The following DAB1 variants were observed in gnomAD, a reference collection of about 807,000 sequenced individuals.
DAB1 encodes the protein disabled homolog 1.
Under a neutral mutation model 64.6 loss-of-function variants are expected in DAB1, and 15 were observed. The observed-to-expected ratio is 0.23, with a 90% confidence interval of 0.16 to 0.36. The LOEUF (loss-of-function observed/expected upper bound fraction) is 0.36. DAB1 is among the 10% of genes least tolerant of loss of function. The probability of loss-of-function intolerance (pLI) is 1.00; values close to 1 mark genes in which losing one functional copy is unlikely to be tolerated. For missense variants in DAB1, 596 were observed against 706.7 expected (o/e 0.84, Z 1.78); for synonymous variants, 235 against 251.9 (o/e 0.93, Z 0.64).
At chr1:57,880,765 CTCTT>C (rs1358834583) in intron 1 of DAB1, 30 of 152,270 alleles carry the variant, frequency 2.0e-4, no homozygotes, top group African/African-American at 7.2e-4. Context: ...CACCATATAA[CTCTT>C]TCAGATATTT....
chr1:57,367,344 A>G (rs1347000657), intron 1 of DAB1, among the ~76,000 whole-genome samples: 1 of 152,108 alleles, frequency 6.6e-6, no homozygotes, highest in Non-Finnish European at 1.5e-5. Flanking sequence ...TCTGAAAGAA[A>G]GTTTCTAATC....
chr1:58,527,025 A>T (rs1225198490), intron 2 of DAB1, among the ~76,000 whole-genome samples: 2 of 152,158 alleles, frequency 1.3e-5, no homozygotes, highest in African/African-American at 4.8e-5. Flanking sequence ...CTATAATCTT[A>T]TGGATTCTGT....
At chr1:57,214,302 T>C (rs998992388) in intron 2 of DAB1, among the ~76,000 whole-genome samples, 33 of 152,160 alleles carry the variant, frequency 2.2e-4, no homozygotes, top group African/African-American at 8.0e-4. Flanking sequence ...AATCACCTCC[T>C]AAAGGCCCAC....
intron 9 of DAB1, among the ~76,000 whole-genome samples, chr1:57,052,227 G>A (rs979494563): frequency 1.3e-5 from 2 of 152,122 alleles, no homozygotes; most frequent in African/African-American, 4.8e-5. Flanking sequence ...TTTTTCTACA[G>A]CAAAATCAAC....
In DAB1 at chr1:57,435,948, G is replaced by A. The variant is rs537821704; in HGVS notation, n.626-144782C>T. Among the ~76,000 whole-genome samples, 11 of 126,164 alleles carry A rather than the reference G, an allele frequency of 8.7e-5. No homozygotes were observed. The East Asian group carries it at 2.2e-3, about 26-fold the overall frequency. 82.8% of individuals were successfully genotyped at this position (126,164 alleles called of 152,430 possible). A position where few individuals can be genotyped will look rare whatever the true frequency, so the allele number is the denominator to read the frequency against. On this transcript the variant is annotated intron_variant and non_coding_transcript_variant, in intron 7 of 20. Coordinates refer to the DAB1 transcript ENST00000485760. ...TTTTTTTTTTTTGAGATGGAGTCTCGCTCTGTGGCCCAGGCTGGAGTGCAG... is the reference window on the plus strand; with the variant it reads ...TTTTTTTTTTTTGAGATGGAGTCTCACTCTGTGGCCCAGGCTGGAGTGCAG...
intron 2 of DAB1, among the ~76,000 whole-genome samples, chr1:57,197,977 A>T (rs1036101451): frequency 6.6e-6 from 1 of 152,208 alleles, no homozygotes; most frequent in African/African-American, 2.4e-5. Flanking sequence ...TTTGCATATT[A>T]TCTCCCTAAA....
intron 7 of DAB1, among the ~76,000 whole-genome samples, chr1:57,566,453 C>T (rs558108280): frequency 3.5e-4 from 53 of 152,100 alleles, no homozygotes; most frequent in Non-Finnish European, 4.9e-4. Flanking sequence ...GATAGAGACA[C>T]AAAAAACCCT....
chr1:57,821,435 C>T (rs1652116553), downstream of DAB1, among the ~76,000 whole-genome samples: 1 of 152,194 alleles, frequency 6.6e-6, no homozygotes, highest in African/African-American at 2.4e-5. Flanking sequence ...TCTACACTGT[C>T]AGTTGTCCAT....
At chr1:57,199,109 C>T (rs994525450) in intron 2 of DAB1, among the ~76,000 whole-genome samples, 3 of 152,130 alleles carry the variant, frequency 2.0e-5, no homozygotes, top group Non-Finnish European at 2.9e-5. Flanking sequence ...GGAAAAGACT[C>T]ACGTCACAGC....
chr1:57,641,192 G>A (rs1226697270), intron 7 of DAB1, among the ~76,000 whole-genome samples: 1 of 152,000 alleles, frequency 6.6e-6, no homozygotes, highest in East Asian at 1.9e-4. Flanking sequence ...GTGAGTTGGG[G>A]TTAGCTCATT....
intron 5 of DAB1, among the ~76,000 whole-genome samples, chr1:58,126,877 G>T (rs1294310144): frequency 1.4e-5 from 2 of 146,276 alleles, no homozygotes; most frequent in African/African-American, 2.5e-5. Context: ...ATTTGGGTTG[G>T]TTCCAAGTCT....
chr1:57,741,711 C>G (rs1648004354), intron 6 of DAB1, among the ~76,000 whole-genome samples: 1 of 152,226 alleles, frequency 6.6e-6, no homozygotes, highest in Admixed American at 6.5e-5. Context: ...GAAGACAGAG[C>G]TCTCAGAATG....
intron 7 of DAB1, among the ~76,000 whole-genome samples, chr1:57,616,629 G>A (rs1393700305): frequency 6.6e-6 from 1 of 152,152 alleles, no homozygotes; most frequent in Non-Finnish European, 1.5e-5. Context: ...GTTTCCTACA[G>A]ATCACCTGCT....
intron 2 of DAB1, among the ~76,000 whole-genome samples, chr1:57,272,977 C>A (rs1215225380): frequency 6.6e-6 from 1 of 152,128 alleles, no homozygotes; most frequent in Non-Finnish European, 1.5e-5. Flanking sequence ...CTTTCTGTTC[C>A]CCCCCATTTC....
At chr1:57,333,499 A>T (rs1266208464) in intron 1 of DAB1, among the ~76,000 whole-genome samples, 15 of 152,234 alleles carry the variant, frequency 9.9e-5, no homozygotes. Context: ...GTTCCTTCCT[A>T]TTCTTATTTC....
intron 3 of DAB1, among the ~76,000 whole-genome samples, chr1:58,441,448 C>G (rs1645007157): frequency 6.6e-6 from 1 of 152,182 alleles, no homozygotes; most frequent in South Asian, 2.1e-4. Context: ...TATTCTACCT[C>G]TAGAGATCAA....
Position 57,853,504 on chromosome 1 carries a change from A to C in DAB1, n.88-27049T>G, listed in dbSNP as rs1479500094. On this transcript the variant is annotated intron_variant and non_coding_transcript_variant, in intron 1 of 1. Transcript: ENST00000477280. Reference sequence around the variant, plus strand: ...ACACCATAAGAAGAAATGCATTTAAAATGAAAAAGAAAGGTATATGGTAAG... The same window carrying C: ...ACACCATAAGAAGAAATGCATTTAACATGAAAAAGAAAGGTATATGGTAAG... Among the ~76,000 whole-genome samples, 9 of 152,238 alleles carry C rather than the reference A, an allele frequency of 5.9e-5. No homozygotes were observed. In the East Asian group the frequency reaches 1.7e-3, roughly 29 times the overall value.
intron 6 of DAB1, among the ~76,000 whole-genome samples, chr1:57,820,817 G>T (rs559921877): frequency 2.6e-5 from 4 of 152,180 alleles, no homozygotes; most frequent in African/African-American, 7.2e-5. Context: ...GTCAAAAAGA[G>T]TATTAAGTAA....
chr1:58,047,802 C>T (rs1057333411), intron 5 of DAB1: 24 of 234,318 alleles, frequency 1.0e-4, no homozygotes, highest in Middle Eastern at 1.6e-3. Context: ...ACTGTTTATC[C>T]GGCATCCAAG....
Sources: gnomAD v4.1 joint callset for allele counts (sites outside exome capture counted in the v4.1 genomes callset) on GRCh38, gnomAD v4.1.1 for gene constraint, MANE v1.5 for transcripts, NCBI Gene and HGNC (gene_info 2026-07-23, HGNC 2026-07-21) for gene names.